Variants in SMIM9 observed in about 807,000 individuals in gnomAD.
SMIM9 encodes chromosome X open reading frame 68.
Under a neutral mutation model 7.2 loss-of-function variants are expected in SMIM9, and 8 were observed. The ratio of observed to expected loss-of-function variants is 1.10; its 90% CI spans 0.65 to 1.99. The LOEUF (loss-of-function observed/expected upper bound fraction) is 1.99. SMIM9 is among the 30% of genes most tolerant of loss of function. SMIM9 has a pLI of 0.00. For missense variants in SMIM9, 76 were observed against 69.3 expected (o/e 1.10, Z -0.34); for synonymous variants, 19 against 26.4 (o/e 0.72, Z 0.86).
At chrX:154,824,124 G>A (rs1217750620) in intron 4 of SMIM9, among the ~76,000 whole-genome samples, 2 of 110,640 alleles carry the variant, frequency 1.8e-5, no homozygotes, top group Non-Finnish European at 3.8e-5. Flanking sequence ...TTGGGAGGCC[G>A]AGGCAGGCAG....
Position 154,830,733 on chromosome X carries a change from A to G in SMIM9, c.124T>C (p.Ser42Pro). 8.6e-7 allele frequency: 1 copy of G among 1,167,660 alleles called. No homozygotes were observed. Among genetic ancestry groups the G allele is most frequent in the Non-Finnish European group, 1.1e-6 (1 of 872,858 alleles). Residue 42 changes from serine to proline, a missense_variant, in exon 3 of 5, where the codon TCG becomes CCG. Ser to Pro is a moderately conservative substitution (Grantham distance 74). Coordinates refer to ENST00000369529, the MANE Select transcript of SMIM9 (RefSeq NM_001162936.4). ...AACACACCCCCTGAGCGTGGTTTCG[A>G]TCCTGTTTTTTCTTGTATTCCCAAG... ...SALGIQEKTGSKPRSGGNHRS... is the reference protein window; with the variant it reads ...SALGIQEKTGPKPRSGGNHRS...
At chrX:154,830,553 A>C in intron 3 of SMIM9, 162 bp downstream of exon 3, 2 of 584,183 alleles carry the variant, frequency 3.4e-6, no homozygotes, top group Non-Finnish European at 5.3e-6. Flanking sequence ...GGTACGTAGT[A>C]GGTAGGTTAA....
intron 4 of SMIM9, 28 bp from the exon 5 acceptor site, chrX:154,823,810 G>A (rs2072407096): frequency 1.7e-6 from 2 of 1,146,767 alleles, no homozygotes; most frequent in Non-Finnish European, 2.3e-6. Context: ...AATGGTGAAT[G>A]CTCTGCACAG....
chrX:154,825,629 A>G (rs1272226226), intron 4 of SMIM9, among the ~76,000 whole-genome samples: 1 of 110,068 alleles, frequency 9.1e-6, no homozygotes, highest in Non-Finnish European at 1.9e-5. Context: ...ACGTATGTTT[A>G]TTGCGGCACT....
In SMIM9 at chrX:154,823,709, G is replaced by C; in HGVS notation, c.*46C>G. ...ATAGCAAATGCCCCACTCTTTTGGA[G>C]TCCAACTGGAGAGACCACACTTGCC... On this transcript the variant is annotated 3_prime_UTR_variant, in exon 5 of 5. Transcript: ENST00000369529. 9.0e-7 allele frequency: 1 copy of C among 1,107,666 alleles called. No individual in the cohort carries two copies. The highest frequency in any genetic ancestry group is 1.2e-6 in the Non-Finnish European group (1 of 836,672). The allele number at this position is 1,107,666 out of a possible 1,213,427, so 91.3% of individuals were successfully genotyped here.
intron 4 of SMIM9, among the ~76,000 whole-genome samples, chrX:154,827,674 A>G (rs1457293373): frequency 8.9e-6 from 1 of 112,550 alleles, no homozygotes; most frequent in African/African-American, 3.2e-5. Context: ...GGGAAGAAGG[A>G]ACAGGATTGC....
rs188639873 is a variant in SMIM9, at chrX:154,834,397, A to G, written c.-210+166T>C. Among the ~76,000 whole-genome samples, 653 of 112,369 alleles carry G rather than the reference A, an allele frequency of 5.8e-3. 3 individuals are homozygous for G. Among genetic ancestry groups the G allele is most frequent in the Non-Finnish European group, 8.7e-3 (464 of 53,254 alleles). On this transcript the variant is annotated intron_variant, in intron 1 of 4. Transcript: ENST00000369529. ...CAAACTTGGTCACTGTCCTGTGCCC[A>G]CCAGGTAACCCCACAAAATAGTGAC...
Position 154,823,442 on chromosome X carries a change from AG to A in SMIM9, c.*312del, listed in dbSNP as rs2072404941. ...ACATATATAGAAAAAAATTGAAGGG[AG>A]GTACATCAAGATGTTAATGATGTTT... is the stretch of plus-strand genomic sequence containing the variant. On this transcript the variant is annotated 3_prime_UTR_variant, in exon 5 of 5. Coordinates refer to ENST00000369529, the MANE Select transcript of SMIM9 (RefSeq NM_001162936.4). 3 of 213,100 alleles carry A rather than the reference AG, an allele frequency of 1.4e-5. No homozygotes were observed. The East Asian group carries it at 2.4e-4, about 17-fold the overall frequency. The allele number at this position is 213,100 out of a possible 1,213,427, so 17.6% of individuals were successfully genotyped here.
At chrX:154,829,507 CCT>C in intron 4 of SMIM9, 26 bp downstream of exon 4, 1 of 1,164,690 alleles carries the variant, frequency 8.6e-7, no homozygotes, top group East Asian at 3.3e-5. Context: ...CTCTCTCCTC[CCT>C]GTCTCTTCTT....
At chrX:154,831,451 CTCT>C (rs782334264) in intron 2 of SMIM9, among the ~76,000 whole-genome samples, 12 of 111,791 alleles carry the variant, frequency 1.1e-4, no homozygotes, top group Admixed American at 9.5e-4. Context: ...ATAGTAATGA[CTCT>C]TCTTTTTCTC....
At chrX:154,833,375 A>G (rs2072452576) in intron 1 of SMIM9, among the ~76,000 whole-genome samples, 1 of 112,754 alleles carries the variant, frequency 8.9e-6, no homozygotes, top group African/African-American at 3.2e-5. Flanking sequence ...CTGTCATCCC[A>G]GCACTTTGGG....
At chrX:154,824,100 G>A (rs2072408261) in intron 4 of SMIM9, among the ~76,000 whole-genome samples, 1 of 111,153 alleles carries the variant, frequency 9.0e-6, no homozygotes, top group Non-Finnish European at 1.9e-5. Flanking sequence ...GCTCACACCT[G>A]TAATTCCAGC....
chrX:154,823,593 C>T lies in SMIM9; in HGVS notation c.*162G>A. 1 of 443,206 alleles carries T rather than the reference C, an allele frequency of 2.3e-6. No homozygotes were observed. Among genetic ancestry groups the T allele is most frequent in the Non-Finnish European group, 3.5e-6 (1 of 282,920 alleles). The allele number at this position is 443,206 out of a possible 1,213,427, so 36.5% of individuals were successfully genotyped here. ...TAAGGATATTCACATTTTAAAATTG[C>T]AACTTTTGAAGGAGAAAATGAAGGC... On this transcript the variant is annotated 3_prime_UTR_variant, in exon 5 of 5. Transcript: ENST00000369529.
chrX:154,831,591 C>A (rs1298998908), intron 2 of SMIM9, among the ~76,000 whole-genome samples: 3 of 110,235 alleles, frequency 2.7e-5, no homozygotes. Context: ...CCGTCCTTGC[C>A]TCCCTTAAGC....
At chrX:154,825,620 C>T (rs1209756040) in intron 4 of SMIM9, among the ~76,000 whole-genome samples, 2 of 109,829 alleles carry the variant, frequency 1.8e-5, no homozygotes, top group African/African-American at 3.3e-5. Flanking sequence ...CACATGCACA[C>T]GTATGTTTAT....
chrX:154,826,428 C>CTAT lies in SMIM9; in HGVS notation c.273-2649_273-2647dup, dbSNP rs199848929. 3.2e-3 allele frequency among the ~76,000 whole-genome samples: 350 copies of CTAT among 110,978 alleles called. 7 individuals carry two copies. In the East Asian group the frequency reaches 0.039, roughly 12 times the overall value. On this transcript the variant is annotated intron_variant, in intron 4 of 4. Coordinates refer to ENST00000369529, the MANE Select transcript of SMIM9 (RefSeq NM_001162936.4). The stretch of plus-strand genomic sequence containing the variant: ...GTTGTATTTCTGCATATAGCATTTA[C>CTAT]TATTATTATTATTGAGATGAGGTCT...
Position 154,832,614 on chromosome X carries a change from T to C in SMIM9, c.-140A>G, listed in dbSNP as rs1470650704. The C allele has an allele frequency of 9.0e-6, 1 of 111,708 alleles. No individual in the cohort carries two copies. The highest frequency in any genetic ancestry group is 1.9e-5 in the Non-Finnish European group (1 of 53,095). The allele number at this position is 111,708 out of a possible 1,213,427, so 9.2% of individuals were successfully genotyped here. On this transcript the variant is annotated 5_prime_UTR_variant, in exon 2 of 5. Transcript: ENST00000369529. The stretch of plus-strand genomic sequence containing the variant: ...GGACCACGGAATTCAAAGAAACCAG[T>C]GGAATTAGGCCTTAGTCTTTAGAGG...
chrX:154,825,741 TA>T (rs1197555725), intron 4 of SMIM9, among the ~76,000 whole-genome samples: 3 of 109,290 alleles, frequency 2.7e-5, no homozygotes, highest in Admixed American at 9.7e-5. Flanking sequence ...TATGCAGCCA[TA>T]AAAAAGGATG....
At chrX:154,833,497 T>G (rs1383203878) in intron 1 of SMIM9, among the ~76,000 whole-genome samples, 3 of 111,215 alleles carry the variant, frequency 2.7e-5, no homozygotes, top group African/African-American at 9.8e-5. Flanking sequence ...TGGTGGTGCA[T>G]GCCTGTAGTC....
Sources: gnomAD v4.1 joint callset for allele counts (sites outside exome capture counted in the v4.1 genomes callset) on GRCh38, gnomAD v4.1.1 for gene constraint, MANE v1.5 for transcripts, NCBI Gene and HGNC (gene_info 2026-07-23, HGNC 2026-07-21) for gene names.